Variants in DNAJC27 observed in about 807,000 individuals in gnomAD.
DNAJC27 encodes dnaJ homolog subfamily C member 27.
DNAJC27 carries 25 observed loss-of-function variants against 31.4 expected under a neutral mutation model. The observed-to-expected ratio is 0.80, with a 90% CI of 0.58 to 1.11. The LOEUF (loss-of-function observed/expected upper bound fraction) is 1.11. DNAJC27 is among the 50% of genes most tolerant of loss of function. The probability of loss-of-function intolerance (pLI) is 0.00; values close to 1 mark genes in which losing one functional copy is unlikely to be tolerated. For synonymous variants in DNAJC27, 106 were observed against 112.7 expected (o/e 0.94, Z 0.37); for missense variants, 356 against 347.3 (o/e 1.02, Z -0.20).
At chr2:24,952,672 A>G (rs1351025769) in intron 5 of DNAJC27, among the ~76,000 whole-genome samples, 4 of 152,098 alleles carry the variant, frequency 2.6e-5, no homozygotes, top group Non-Finnish European at 4.4e-5. Flanking sequence ...GAGTCTGACA[A>G]CCGTTGTTAA....
At chr2:24,954,457 G>A (rs755515224) in intron 5 of DNAJC27, among the ~76,000 whole-genome samples, 4 of 152,192 alleles carry the variant, frequency 2.6e-5, no homozygotes, top group African/African-American at 4.8e-5. Context: ...GACAAGATCT[G>A]CAAAAGAGAC....
intron 5 of DNAJC27, among the ~76,000 whole-genome samples, chr2:24,954,892 C>T (rs559295942): frequency 2.6e-5 from 4 of 152,056 alleles, no homozygotes; most frequent in African/African-American, 7.2e-5. Flanking sequence ...GCCGAGATTG[C>T]GCCACTGCAC....
chr2:24,947,822 A>C, intron 6 of DNAJC27, 74 bp from the exon 7 acceptor site: 1 of 1,519,768 alleles, frequency 6.6e-7, no homozygotes, highest in African/African-American at 1.4e-5. Flanking sequence ...GTTTGGACAC[A>C]CATAGTATCT....
At chr2:24,954,982 T>C (rs1258126377) in intron 5 of DNAJC27, among the ~76,000 whole-genome samples, 1 of 152,050 alleles carries the variant, frequency 6.6e-6, no homozygotes, top group Non-Finnish European at 1.5e-5. Context: ...GATAAAAGAA[T>C]CTAGAGTCTC....
At position 24,947,497 on chromosome 2, in the gene DNAJC27, C is replaced by A; in HGVS notation, c.*119G>T. On this transcript the variant is annotated 3_prime_UTR_variant, in exon 7 of 7. Transcript: ENST00000264711. ...ACCTGAATTACTGATATACAAATGA[C>A]AACACATGAATGAAAAGAGCAGTGA... 3 of 1,249,270 alleles carry A rather than the reference C, an allele frequency of 2.4e-6. No individual in the cohort carries two copies. Among genetic ancestry groups the A allele is most frequent in the Non-Finnish European group, 3.3e-6 (3 of 900,474 alleles). 77.4% of individuals were successfully genotyped at this position (1,249,270 alleles called of 1,614,324 possible).
rs1001181282 is a variant in DNAJC27, at chr2:24,946,930, C to G, written c.*686G>C. On this transcript the variant is annotated 3_prime_UTR_variant, in exon 7 of 7. Transcript: ENST00000264711. ...GCCTCAGATCCAGGGACAGGATAGG[C>G]AGCAGCCAGTGTACCTAGAATTTGT... is the stretch of plus-strand genomic sequence containing the variant. The G allele has an allele frequency of 6.6e-6, 1 of 152,234 alleles. No homozygotes were observed. The highest frequency in any genetic ancestry group is 1.5e-5 in the Non-Finnish European group (1 of 68,082). 9.4% of individuals were successfully genotyped at this position (152,234 alleles called of 1,614,324 possible).
At chr2:24,967,927 A>C (rs1234282155) in intron 1 of DNAJC27, among the ~76,000 whole-genome samples, 1 of 148,700 alleles carries the variant, frequency 6.7e-6, no homozygotes, top group African/African-American at 2.5e-5. Flanking sequence ...CCAGATCCAC[A>C]TCTCTAAATA....
At chr2:24,949,152 G>GA (rs1369864707) in intron 6 of DNAJC27, among the ~76,000 whole-genome samples, 1 of 152,168 alleles carries the variant, frequency 6.6e-6, no homozygotes, top group Non-Finnish European at 1.5e-5. Flanking sequence ...TACTCTGGGG[G>GA]ACCTTCCTGG....
intron 1 of DNAJC27, among the ~76,000 whole-genome samples, chr2:24,967,872 C>T (rs938663197): frequency 1.3e-4 from 19 of 151,972 alleles, no homozygotes; most frequent in African/African-American, 3.6e-4. Context: ...ATGCTTTCAA[C>T]GATACCACCA....
Position 24,951,592 on chromosome 2 carries a change from T to G in DNAJC27, c.529-38A>C, listed in dbSNP as rs1450608924. ...AACATAACCCAGGGTAGAAATGATT[T>G]TGTGAAAATAGGAATTCCTTTTAAG... is the stretch of plus-strand genomic sequence containing the variant. On this transcript the variant is annotated intron_variant, in intron 5 of 6. Coordinates refer to ENST00000264711, the MANE Select transcript of DNAJC27 (RefSeq NM_016544.3). 1.9e-6 allele frequency: 3 copies of G among 1,565,546 alleles called. No individual in the cohort carries two copies. The South Asian group carries it at 3.6e-5, about 19-fold the overall frequency.
intron 1 of DNAJC27, among the ~76,000 whole-genome samples, chr2:24,968,600 C>T (rs1225782195): frequency 6.6e-6 from 1 of 151,832 alleles, no homozygotes; most frequent in Non-Finnish European, 1.5e-5. Flanking sequence ...CCTCGGTCTC[C>T]CAAAGTGCTG....
rs1158241617 is a variant in DNAJC27 at position 24,946,334 on chromosome 2, A to G, written c.*1282T>C. ...AAAGGATCCACACTTGCCTCTGATC[A>G]ACCAGATTCAGGCCAAGGCTTAGAA... On this transcript the variant is annotated 3_prime_UTR_variant, in exon 7 of 7. Coordinates refer to ENST00000264711, the MANE Select transcript of DNAJC27 (RefSeq NM_016544.3). The G allele has an allele frequency of 6.6e-6, 1 of 152,272 alleles. No homozygotes were observed. The highest frequency in any genetic ancestry group is 1.5e-5 in the Non-Finnish European group (1 of 68,080). The allele number at this position is 152,272 out of a possible 1,614,324, so 9.4% of individuals were successfully genotyped here.
intron 5 of DNAJC27, among the ~76,000 whole-genome samples, chr2:24,956,799 T>C (rs905647366): frequency 2.6e-5 from 4 of 152,166 alleles, no homozygotes; most frequent in African/African-American, 7.2e-5. Flanking sequence ...ATTTTAAGAA[T>C]TTCCTCAGGT....
Position 24,957,063 on chromosome 2 carries a change from C to T in DNAJC27, c.508G>A (p.Gly170Ser). The T allele has an allele frequency of 6.2e-7, 1 of 1,608,796 alleles. No homozygotes were observed. Among genetic ancestry groups the T allele is most frequent in the Non-Finnish European group, 8.5e-7 (1 of 1,178,214 alleles). The change falls in exon 5 of 7, where the codon GGC becomes AGC. Residue 170 changes from glycine to serine, a missense_variant. Gly to Ser is a moderately conservative substitution (Grantham distance 56, BLOSUM62 0). Coordinates refer to ENST00000264711, the MANE Select transcript of DNAJC27 (RefSeq NM_016544.3). ...YFETSAQTGE[G>S]INEMFQTFYI... Reference sequence around the variant, plus strand: ...CTTACCTGGAACATCTCATTAATGCCTTCTCCAGTTTGTGCTGAAGTTTCA... The same window carrying T: ...CTTACCTGGAACATCTCATTAATGCTTTCTCCAGTTTGTGCTGAAGTTTCA...
intron 5 of DNAJC27, chr2:24,953,625 C>G (rs1223395767): frequency 4.5e-6 from 2 of 444,440 alleles, no homozygotes; most frequent in Admixed American, 6.4e-5. Flanking sequence ...TTAGTTCTAT[C>G]CAAGATGTAT....
chr2:24,969,550 T>A (rs956773801), intron 1 of DNAJC27: 2 of 155,348 alleles, frequency 1.3e-5, no homozygotes, highest in African/African-American at 4.8e-5. Flanking sequence ...CAATCTGGGC[T>A]TACTGCAACC....
Position 24,957,915 on chromosome 2 carries a change from C to A in DNAJC27, c.300G>T (p.Gln100His). ...CATCAAGGGCGTCAAAGGAGTCTTT[C>A]TGCCCAACATCATAGACCAGTATCA... ...QGVILVYDVG[Q>H]KDSFDALDAW... Residue 100 changes from glutamine to histidine, a missense_variant, in exon 4 of 7, where the codon CAG becomes CAT. Coordinates refer to ENST00000264711, the MANE Select transcript of DNAJC27 (RefSeq NM_016544.3). The A allele has an allele frequency of 3.1e-6, 5 of 1,614,166 alleles. No homozygotes were observed. The highest frequency in any genetic ancestry group is 4.2e-6 in the Non-Finnish European group (5 of 1,180,002).
At chr2:24,969,996 C>G (rs1015194011) in intron 1 of DNAJC27, among the ~76,000 whole-genome samples, 1 of 152,094 alleles carries the variant, frequency 6.6e-6, no homozygotes, top group Admixed American at 6.6e-5. Flanking sequence ...TGTAATCCCA[C>G]GTAAGGAAAA....
intron 5 of DNAJC27, among the ~76,000 whole-genome samples, chr2:24,956,107 G>A (rs1237656340): frequency 6.6e-6 from 1 of 152,232 alleles, no homozygotes; most frequent in East Asian, 1.9e-4. Context: ...AGCCAAGGAA[G>A]AAATCTGTCT....
Sources: allele counts gnomAD v4.1 joint callset (sites outside exome capture counted in the v4.1 genomes callset), GRCh38; gene constraint gnomAD v4.1.1; transcripts MANE v1.5; gene names NCBI Gene and HGNC (gene_info 2026-07-23, HGNC 2026-07-21).